Variants in DNAH14 observed in about 807,000 individuals in gnomAD.
The protein encoded by DNAH14 is axonemal beta dynein heavy chain 14.
In DNAH14, 478 loss-of-function variants were observed where a neutral mutation model predicts 520.9. The observed-to-expected ratio is 0.92, with a 90% CI of 0.85 to 0.99. The LOEUF (loss-of-function observed/expected upper bound fraction) is 0.99, where lower values mean the gene tolerates loss of function less well. Ranked by LOEUF, DNAH14 falls within the 50% of genes least tolerant of loss-of-function variation. The pLI, the probability that DNAH14 is intolerant of heterozygous loss-of-function variation, is 0.00. For synonymous variants in DNAH14, 1,581 were observed against 1,757.2 expected (o/e 0.90, Z 2.51); for missense variants, 4,831 against 5,234.5 (o/e 0.92, Z 2.38).
Position 224,974,169 on chromosome 1 carries a change from C to T in DNAH14, c.830+16C>T, listed in dbSNP as rs1011645158. The T allele has an allele frequency of 7.7e-6, 11 of 1,429,894 alleles. No homozygotes were observed. Among genetic ancestry groups the T allele is most frequent in the South Asian group, 1.6e-5 (1 of 64,290 alleles). The allele number at this position is 1,429,894 out of a possible 1,614,324, so 88.6% of individuals were successfully genotyped here. ...AGAAGAGCAGGTAAGTTTTGATACG[C>T]AATATATAAAAATTTCAAAAGGAAG... On this transcript the variant is annotated intron_variant, in intron 8 of 85. Coordinates refer to ENST00000682510, the MANE Select transcript of DNAH14 (RefSeq NM_001367479.1).
At chr1:225,154,112 A>C (rs1486969794) in intron 34 of DNAH14, among the ~76,000 whole-genome samples, 1 of 152,108 alleles carries the variant, frequency 6.6e-6, no homozygotes, top group East Asian at 1.9e-4. Flanking sequence ...TAACTCAATG[A>C]GAAATGTAAA....
At chr1:225,169,687 G>A (rs12726224) in intron 36 of DNAH14, among the ~76,000 whole-genome samples, 19,442 of 152,158 alleles carry the variant, frequency 0.13, 1,399 homozygotes, top group East Asian at 0.31. Context: ...AACCAAGTAG[G>A]AAAACACTCT....
At chr1:225,096,497 AT>A (rs2074989254) in intron 21 of DNAH14, among the ~76,000 whole-genome samples, 3 of 152,196 alleles carry the variant, frequency 2.0e-5, no homozygotes, top group South Asian at 4.1e-4. Flanking sequence ...GTATTAATTT[AT>A]TTTTAACCAT....
chr1:225,007,927 C>CT (rs71170042), intron 10 of DNAH14, among the ~76,000 whole-genome samples: 82,382 of 144,222 alleles, frequency 0.57, 23,394 homozygotes, highest in East Asian at 0.84. Context: ...TTTCTTTTTT[C>CT]TTTTTTTTTT....
At chr1:224,932,376 T>G (rs960381812) in intron 1 of DNAH14, among the ~76,000 whole-genome samples, 2 of 152,138 alleles carry the variant, frequency 1.3e-5, no homozygotes, top group African/African-American at 4.8e-5. Context: ...AAATGAATAG[T>G]TTGCAATTTT....
At chr1:225,203,901 C>G (rs970411671) in intron 38 of DNAH14, among the ~76,000 whole-genome samples, 5 of 152,100 alleles carry the variant, frequency 3.3e-5, no homozygotes, top group African/African-American at 9.7e-5. Flanking sequence ...AGAACTTTTG[C>G]TTTCTTGTGT....
intron 41 of DNAH14, among the ~76,000 whole-genome samples, chr1:225,226,612 C>A (rs1222165344): frequency 6.6e-6 from 1 of 152,156 alleles, no homozygotes; most frequent in Non-Finnish European, 1.5e-5. Context: ...TTGAAGGGGG[C>A]CTGCCCCTCC....
At chr1:225,261,585 A>G (rs970587338) in intron 46 of DNAH14, among the ~76,000 whole-genome samples, 1 of 152,048 alleles carries the variant, frequency 6.6e-6, no homozygotes, top group Non-Finnish European at 1.5e-5. Flanking sequence ...CATCAGGGAT[A>G]TTGGTCTGTA....
rs1304120338 is a variant in DNAH14, at chr1:225,069,098, AAAAG to A, written c.2425-10106_2425-10103del. 1.7e-3 allele frequency among the ~76,000 whole-genome samples: 2 copies of A among 1,152 alleles called. 1 individual carries two copies. Among genetic ancestry groups the A allele is most frequent in the Non-Finnish European group, 0.018 (2 of 114 alleles). 0.8% of individuals were successfully genotyped at this position (1,152 alleles called of 152,430 possible). On this transcript the variant is annotated intron_variant, in intron 17 of 85. Coordinates refer to ENST00000682510, the MANE Select transcript of DNAH14 (RefSeq NM_001367479.1). ...CTCCGTCTCAAAAAAAAAAAAAAAAAAAAGAAGCTTTTGGGCCAAGACAGTGGAG... is the reference window on the plus strand; with the variant it reads ...CTCCGTCTCAAAAAAAAAAAAAAAAAAAGCTTTTGGGCCAAGACAGTGGAG...
chr1:225,074,023 G>A (rs1263650557), intron 17 of DNAH14, among the ~76,000 whole-genome samples: 1 of 108,362 alleles, frequency 9.2e-6, no homozygotes, highest in African/African-American at 3.6e-5. Context: ...TTTTTGAGAC[G>A]GAGTCTCGCT....
intron 26 of DNAH14, among the ~76,000 whole-genome samples, chr1:225,119,891 G>A (rs143902227): frequency 3.8e-3 from 581 of 152,222 alleles, no homozygotes; most frequent in Non-Finnish European, 6.3e-3. Flanking sequence ...TATTCTGAAG[G>A]CCAATACAAG....
intron 38 of DNAH14, among the ~76,000 whole-genome samples, chr1:225,195,686 A>G (rs1390539963): frequency 6.6e-6 from 1 of 152,036 alleles, no homozygotes; most frequent in South Asian, 2.1e-4. Flanking sequence ...CTATCAACTA[A>G]GTAAATGAGG....
rs767096479 is a variant in DNAH14, at chr1:225,392,270, G to C, written c.13331-21G>C. 621 of 1,551,660 alleles carry C rather than the reference G, an allele frequency of 4.0e-4. 2 individuals are homozygous for C. Among genetic ancestry groups the C allele is most frequent in the Non-Finnish European group, 5.0e-4 (578 of 1,146,886 alleles). On this transcript the variant is annotated intron_variant, in intron 83 of 85. Transcript: ENST00000682510. ...CCCTGAGACTCACAAGGAACTTGAT[G>C]GTGTGTGTTCTTCTCCAAAGCCTTT...
intron 8 of DNAH14, among the ~76,000 whole-genome samples, chr1:224,978,881 T>C (rs2062052578): frequency 1.3e-5 from 2 of 152,128 alleles, no homozygotes; most frequent in African/African-American, 4.8e-5. Context: ...CTTCAAGTAG[T>C]CCTCCCACTT....
At chr1:225,249,491 A>G (rs2092451015) in intron 43 of DNAH14, among the ~76,000 whole-genome samples, 1 of 152,172 alleles carries the variant, frequency 6.6e-6, no homozygotes, top group Admixed American at 6.5e-5. Context: ...GATGAGCCCT[A>G]TGATTGCCCC....
chr1:224,976,440 G>A (rs2061849065), intron 8 of DNAH14, among the ~76,000 whole-genome samples: 2 of 152,124 alleles, frequency 1.3e-5, no homozygotes, highest in African/African-American at 4.8e-5. Flanking sequence ...AGGACTTCAT[G>A]TCTAAAACAC....
chr1:225,341,224 C>T (rs1451187571), intron 69 of DNAH14, among the ~76,000 whole-genome samples: 1 of 152,172 alleles, frequency 6.6e-6, no homozygotes, highest in East Asian at 1.9e-4. Flanking sequence ...CCAGCCTCAA[C>T]TTCCTGAGTA....
intron 81 of DNAH14, among the ~76,000 whole-genome samples, chr1:225,384,605 C>T (rs1359118228): frequency 2.0e-5 from 3 of 152,094 alleles, no homozygotes; most frequent in Admixed American, 6.5e-5. Context: ...AACACCTCTA[C>T]GCAAATAAAC....
chr1:225,341,268 C>A (rs1001019996), intron 69 of DNAH14, among the ~76,000 whole-genome samples: 3 of 152,068 alleles, frequency 2.0e-5, no homozygotes, highest in Admixed American at 6.5e-5. Flanking sequence ...CCACACCCGA[C>A]TTAATAACTA....
Sources: allele counts gnomAD v4.1 joint callset (sites outside exome capture counted in the v4.1 genomes callset), GRCh38; gene constraint gnomAD v4.1.1; transcripts MANE v1.5; gene names NCBI Gene and HGNC (gene_info 2026-07-23, HGNC 2026-07-21).